MMP16: variants seen among roughly 807,000 people sequenced by gnomAD.
MMP16 encodes the protein matrix metalloproteinase-16.
MMP16 carries 12 observed loss-of-function variants against 67.8 expected under a neutral mutation model. The observed-to-expected ratio is 0.18, with a 90% CI of 0.11 to 0.29. The LOEUF (loss-of-function observed/expected upper bound fraction) is 0.29, where lower values mean the gene tolerates loss of function less well. Ranked by LOEUF, MMP16 falls within the 10% of genes least tolerant of loss-of-function variation. The probability of loss-of-function intolerance (pLI) is 1.00; values close to 1 mark genes in which losing one functional copy is unlikely to be tolerated. For synonymous variants in MMP16, 249 were observed against 255.9 expected (o/e 0.97, Z 0.26); for missense variants, 475 against 765.7 (o/e 0.62, Z 4.48).
At chr8:88,067,478 A>C (rs1036182180) in intron 7 of MMP16, among the ~76,000 whole-genome samples, 2 of 152,132 alleles carry the variant, frequency 1.3e-5, no homozygotes, top group African/African-American at 4.8e-5. Context: ...TTTAATGTGT[A>C]TAATTTATTA....
chr8:88,323,856 A>G (rs1331487892), intron 1 of MMP16, among the ~76,000 whole-genome samples: 1 of 152,010 alleles, frequency 6.6e-6, no homozygotes, highest in Admixed American at 6.6e-5. Flanking sequence ...AATGATTTTT[A>G]AGACAGTAGA....
intron 4 of MMP16, among the ~76,000 whole-genome samples, chr8:88,162,781 C>A (rs1171216484): frequency 6.6e-6 from 1 of 152,026 alleles, no homozygotes; most frequent in Non-Finnish European, 1.5e-5. Context: ...CTCTCTGTCT[C>A]TCTGTCCTCC....
intron 6 of MMP16, among the ~76,000 whole-genome samples, chr8:88,115,767 G>T (rs1809418211): frequency 6.6e-6 from 1 of 151,764 alleles, no homozygotes; most frequent in South Asian, 2.1e-4. Context: ...CTTTAAGACT[G>T]GCTTACAAAT....
chr8:88,179,677 G>A (rs1414233484), intron 3 of MMP16, among the ~76,000 whole-genome samples: 2 of 152,064 alleles, frequency 1.3e-5, no homozygotes, highest in African/African-American at 4.8e-5. Flanking sequence ...AATATTCTAA[G>A]GGACAGAAGA....
intron 1 of MMP16, among the ~76,000 whole-genome samples, chr8:88,306,649 C>T (rs1472297766): frequency 6.6e-6 from 1 of 152,164 alleles, no homozygotes; most frequent in Non-Finnish European, 1.5e-5. Context: ...AAATGTGATT[C>T]ATCACCTACA....
At chr8:88,126,490 A>G (rs1169952985) in intron 4 of MMP16, among the ~76,000 whole-genome samples, 1 of 151,946 alleles carries the variant, frequency 6.6e-6, no homozygotes, top group Non-Finnish European at 1.5e-5. Flanking sequence ...GGTCTAGCGT[A>G]TAACATGATG....
intron 3 of MMP16, among the ~76,000 whole-genome samples, chr8:88,171,977 C>T (rs989142448): frequency 6.6e-6 from 1 of 152,066 alleles, no homozygotes; most frequent in African/African-American, 2.4e-5. Context: ...CAGGCACCCA[C>T]CAGTACAGCC....
At chr8:88,113,509 TCAATAAGGAG>T (rs1183796343) in intron 6 of MMP16, among the ~76,000 whole-genome samples, 3 of 151,728 alleles carry the variant, frequency 2.0e-5, no homozygotes, top group Non-Finnish European at 4.4e-5. Context: ...GAAGAGACAG[TCAATAAGGAG>T]CAAAATATGA....
At chr8:88,100,272 A>G (rs1208000100) in intron 6 of MMP16, among the ~76,000 whole-genome samples, 1 of 151,998 alleles carries the variant, frequency 6.6e-6, no homozygotes, top group African/African-American at 2.4e-5. Flanking sequence ...ACTCACACAA[A>G]TTTACAAGAA....
chr8:88,290,832 A>T (rs1036912868), intron 1 of MMP16, among the ~76,000 whole-genome samples: 2 of 152,180 alleles, frequency 1.3e-5, no homozygotes, highest in Non-Finnish European at 2.9e-5. Context: ...AGATAAAAGG[A>T]AACAGGGAAG....
chr8:88,111,559 G>C (rs1809337649), intron 6 of MMP16, among the ~76,000 whole-genome samples: 1 of 151,652 alleles, frequency 6.6e-6, no homozygotes, highest in African/African-American at 2.4e-5. Flanking sequence ...GAGAGGTATG[G>C]GGAAATGGGC....
Position 88,327,061 on chromosome 8 carries a change from C to T in MMP16, c.132+14G>A, listed in dbSNP as rs368329268. The T allele has an allele frequency of 6.2e-7, 1 of 1,613,476 alleles. No homozygotes were observed. Among genetic ancestry groups the T allele is most frequent in the African/African-American group, 1.3e-5 (1 of 74,856 alleles). On this transcript the variant is annotated intron_variant, in intron 1 of 9. Coordinates refer to ENST00000286614, the MANE Select transcript of MMP16 (RefSeq NM_005941.5). ...CAGGCAGCGGGGGGAGGAAGAAAGC[C>T]CTCGCACTCTTACCTCCACATTGAA...
At chr8:88,307,953 G>T (rs867734858) in intron 1 of MMP16, among the ~76,000 whole-genome samples, 1 of 151,998 alleles carries the variant, frequency 6.6e-6, no homozygotes, top group African/African-American at 2.4e-5. Context: ...TAAGAAAAAT[G>T]CAATAACTCC....
intron 6 of MMP16, 93 bp downstream of exon 6, chr8:88,116,414 G>A: frequency 9.3e-7 from 1 of 1,072,738 alleles, no homozygotes; most frequent in Non-Finnish European, 1.4e-6. Context: ...AGAGGGCTGG[G>A]AAGGTAGTGT....
chr8:88,224,551 T>C (rs574450389), intron 1 of MMP16, among the ~76,000 whole-genome samples: 9 of 152,108 alleles, frequency 5.9e-5, no homozygotes, highest in Non-Finnish European at 1.2e-4. Flanking sequence ...AACTACTAGT[T>C]ACTACATAAT....
chr8:88,253,903 G>T (rs532318439), intron 1 of MMP16, among the ~76,000 whole-genome samples: 1 of 151,888 alleles, frequency 6.6e-6, no homozygotes, highest in East Asian at 1.9e-4. Context: ...GAAATTCCTG[G>T]CTTCAAGCAA....
chr8:88,117,354 G>A (rs1346944639), intron 5 of MMP16, among the ~76,000 whole-genome samples: 1 of 152,030 alleles, frequency 6.6e-6, no homozygotes, highest in Non-Finnish European at 1.5e-5. Context: ...TCTCAAAAGA[G>A]GCTTCTAAAT....
intron 6 of MMP16, among the ~76,000 whole-genome samples, chr8:88,083,103 G>C (rs1327486983): frequency 6.6e-6 from 1 of 151,840 alleles, no homozygotes; most frequent in Non-Finnish European, 1.5e-5. Flanking sequence ...AATGTTATTA[G>C]AACAAAGAGT....
Position 88,327,308 on chromosome 8 carries a change from G to C in MMP16, c.-102C>G. The stretch of plus-strand genomic sequence containing the variant: ...CCTTTCAAAAAAAAGTCCTCCGGGT[G>C]GGTAAGGAGCCTGCAGGTTCACCCA... On this transcript the variant is annotated 5_prime_UTR_variant, in exon 1 of 10. Coordinates refer to ENST00000286614, the MANE Select transcript of MMP16 (RefSeq NM_005941.5). 6.6e-7 allele frequency: 1 copy of C among 1,515,202 alleles called. No individual in the cohort carries two copies. The highest frequency in any genetic ancestry group is 1.2e-5 in the South Asian group (1 of 85,650). The allele number at this position is 1,515,202 out of a possible 1,614,324, so 93.9% of individuals were successfully genotyped here. A position where few individuals can be genotyped will look rare whatever the true frequency, so the allele number is the denominator to read the frequency against.
Sources: gnomAD v4.1 joint callset for allele counts (sites outside exome capture counted in the v4.1 genomes callset) on GRCh38, gnomAD v4.1.1 for gene constraint, MANE v1.5 for transcripts, NCBI Gene and HGNC (gene_info 2026-07-23, HGNC 2026-07-21) for gene names.